The following CTNNA3 variants were observed in gnomAD, a reference collection of about 807,000 sequenced individuals.
CTNNA3 encodes the protein catenin alpha-3.
CTNNA3 carries 76 observed loss-of-function variants against 95.7 expected under a neutral mutation model. The observed-to-expected ratio is 0.79, with a 90% CI of 0.66 to 0.96. The LOEUF (loss-of-function observed/expected upper bound fraction) is 0.96, where lower values mean the gene tolerates loss of function less well. Among genes scored for constraint, CTNNA3 ranks in the 40% least tolerant of loss-of-function variants. The probability of loss-of-function intolerance (pLI) is 0.00; values close to 1 mark genes in which losing one functional copy is unlikely to be tolerated. For missense variants in CTNNA3, 1,191 were observed against 1,089.8 expected (o/e 1.09, Z -1.31); for synonymous variants, 431 against 374.4 (o/e 1.15, Z -1.74).
At chr10:65,965,768 A>G (rs1163040770) in intron 17 of CTNNA3, among the ~76,000 whole-genome samples, 14 of 152,024 alleles carry the variant, frequency 9.2e-5, no homozygotes, top group Non-Finnish European at 1.5e-4. Context: ...ACATTAACTC[A>G]TTGAGGGACT....
intron 7 of CTNNA3, among the ~76,000 whole-genome samples, chr10:66,813,682 A>C (rs1338786341): frequency 2.6e-5 from 4 of 152,210 alleles, no homozygotes; most frequent in African/African-American, 4.8e-5. Context: ...AATTAATAAA[A>C]CATGGCTCCT....
At chr10:67,259,238 C>T (rs1237345550) in intron 5 of CTNNA3, among the ~76,000 whole-genome samples, 8 of 152,234 alleles carry the variant, frequency 5.3e-5, no homozygotes, top group Middle Eastern at 3.4e-3. Flanking sequence ...ACCCATTCTG[C>T]GGAGTGAAAC....
rs1848398503 is a variant in CTNNA3, at chr10:66,714,676, A to C, written c.1281+51588T>G. Among the ~76,000 whole-genome samples, 2 of 152,148 alleles carry C rather than the reference A, an allele frequency of 1.3e-5. 1 individual carries two copies. Among genetic ancestry groups the C allele is most frequent in the South Asian group, 4.1e-4 (2 of 4,832 alleles). On this transcript the variant is annotated intron_variant, in intron 9 of 17. Transcript: ENST00000433211. ...ATCACTCAGGAGTTGTTAGAAATGC[A>C]AACTCTTGGGTTCCACCCCAGAACT... is the stretch of plus-strand genomic sequence containing the variant.
intron 5 of CTNNA3, among the ~76,000 whole-genome samples, chr10:67,255,160 C>T (rs1454404239): frequency 8.6e-5 from 13 of 151,926 alleles, no homozygotes; most frequent in East Asian, 3.9e-4. Flanking sequence ...CCAGGCATGG[C>T]GGTGTGCACC....
chr10:66,123,715 A>T (rs1368526487), intron 13 of CTNNA3, among the ~76,000 whole-genome samples: 1 of 152,190 alleles, frequency 6.6e-6, no homozygotes, highest in East Asian at 1.9e-4. Context: ...ACCCAAACCC[A>T]AATTCTTGAC....
intron 11 of CTNNA3, among the ~76,000 whole-genome samples, chr10:66,452,439 T>G (rs2093470627): frequency 6.6e-6 from 1 of 152,134 alleles, no homozygotes; most frequent in Non-Finnish European, 1.5e-5. Flanking sequence ...TGACTCCATC[T>G]TGCTTCTAAC....
intron 12 of CTNNA3, among the ~76,000 whole-genome samples, chr10:66,335,183 C>T (rs1388940598): frequency 1.3e-5 from 2 of 152,016 alleles, no homozygotes; most frequent in Non-Finnish European, 1.5e-5. Context: ...GAACTTCCTC[C>T]TTTAGCTCAG....
At chr10:67,271,233 T>G (rs1000547617) in intron 5 of CTNNA3, among the ~76,000 whole-genome samples, 6 of 152,190 alleles carry the variant, frequency 3.9e-5, no homozygotes, top group African/African-American at 1.4e-4. Context: ...CATTTTGAAT[T>G]GTAATCCCAA....
intron 13 of CTNNA3, among the ~76,000 whole-genome samples, chr10:66,199,793 A>G (rs1355209293): frequency 7.1e-5 from 1 of 14,012 alleles, no homozygotes; most frequent in Non-Finnish European, 1.3e-4. Context: ...ATATATATAT[A>G]TATATATATA....
At chr10:66,197,740 G>A (rs939858052) in intron 13 of CTNNA3, among the ~76,000 whole-genome samples, 1 of 152,110 alleles carries the variant, frequency 6.6e-6, no homozygotes, top group Non-Finnish European at 1.5e-5. Context: ...GAGGTCCAGG[G>A]ATTATGGAAA....
intron 11 of CTNNA3, among the ~76,000 whole-genome samples, chr10:66,489,421 G>A (rs1839843303): frequency 6.6e-6 from 1 of 152,054 alleles, no homozygotes; most frequent in Non-Finnish European, 1.5e-5. Context: ...AGATATCATG[G>A]AAGAAGAAAA....
chr10:66,032,998 C>T (rs2079479018), intron 15 of CTNNA3, among the ~76,000 whole-genome samples: 1 of 152,154 alleles, frequency 6.6e-6, no homozygotes, highest in South Asian at 2.1e-4. Context: ...AACACTTCAG[C>T]TACTTTTGTT....
At chr10:66,851,644 ACACACACACACACAC>A (rs1843500710) in intron 7 of CTNNA3, among the ~76,000 whole-genome samples, 4 of 29,092 alleles carry the variant, frequency 1.4e-4, no homozygotes, top group Admixed American at 8.7e-4. Context: ...ACACACACAC[ACACACACACACACAC>A]ACACACACAC....
At position 67,154,521 on chromosome 10, in the gene CTNNA3, A is replaced by G. The variant is rs1053809334; in HGVS notation, c.1047+25796T>C. On this transcript the variant is annotated intron_variant, in intron 7 of 17. Transcript: ENST00000433211. ...AGCACTACAAAGATTAAATCAATAT[A>G]CTGTGAAAAAAGGAAAAACCCTTGG... 4.5e-4 allele frequency among the ~76,000 whole-genome samples: 68 copies of G among 152,222 alleles called. 4 individuals carry two copies. Among genetic ancestry groups the G allele is most frequent in the Non-Finnish European group, 7.4e-5 (5 of 68,026 alleles).
At chr10:66,674,940 C>A (rs1356800325) in intron 9 of CTNNA3, among the ~76,000 whole-genome samples, 4 of 152,034 alleles carry the variant, frequency 2.6e-5, no homozygotes, top group Admixed American at 6.6e-5. Flanking sequence ...AAAGCTCCAA[C>A]TGCATTTAGA....
intron 7 of CTNNA3, among the ~76,000 whole-genome samples, chr10:66,905,315 A>C (rs1845938306): frequency 6.6e-6 from 1 of 152,180 alleles, no homozygotes; most frequent in Non-Finnish European, 1.5e-5. Context: ...GTGGGAATTG[A>C]ACAATAAGAA....
At chr10:66,125,287 C>T (rs2082768547) in intron 13 of CTNNA3, among the ~76,000 whole-genome samples, 1 of 151,908 alleles carries the variant, frequency 6.6e-6, no homozygotes, top group Non-Finnish European at 1.5e-5. Flanking sequence ...ATGATTGTAG[C>T]ATTGAGGTAA....
At chr10:67,063,338 C>T (rs757066609) in intron 7 of CTNNA3, among the ~76,000 whole-genome samples, 4 of 152,066 alleles carry the variant, frequency 2.6e-5, no homozygotes, top group African/African-American at 7.2e-5. Context: ...TGAGATAGGA[C>T]AAAACTGAGA....
intron 11 of CTNNA3, among the ~76,000 whole-genome samples, chr10:66,419,591 G>C (rs144912518): frequency 6.6e-6 from 1 of 152,098 alleles, no homozygotes; most frequent in Non-Finnish European, 1.5e-5. Flanking sequence ...AAGCAATCCT[G>C]AGCAAAAATA....
Sources: gnomAD v4.1 joint callset for allele counts (sites outside exome capture counted in the v4.1 genomes callset) on GRCh38, gnomAD v4.1.1 for gene constraint, MANE v1.5 for transcripts, NCBI Gene and HGNC (gene_info 2026-07-23, HGNC 2026-07-21) for gene names.